ABLIM3: variants seen among roughly 807,000 people sequenced by gnomAD.
ABLIM3 encodes the protein actin binding LIM protein family member 3.
Under a neutral mutation model 109.5 loss-of-function variants are expected in ABLIM3, and 61 were observed. That is an observed-to-expected ratio of 0.56 (90% confidence interval 0.45 to 0.69). The LOEUF (loss-of-function observed/expected upper bound fraction) is 0.69, where lower values mean the gene tolerates loss of function less well. ABLIM3 is among the 30% of genes least tolerant of loss of function. ABLIM3 has a pLI of 0.00. For missense variants in ABLIM3, 796 were observed against 889.5 expected (o/e 0.89, Z 1.34); for synonymous variants, 300 against 324.8 (o/e 0.92, Z 0.82).
intron 23 of ABLIM3, among the ~76,000 whole-genome samples, chr5:149,253,243 T>C (rs1022787932): frequency 1.3e-5 from 2 of 152,130 alleles, no homozygotes; most frequent in African/African-American, 4.8e-5. Context: ...TGTCTCAGGA[T>C]TGTGCATAAA....
chr5:149,236,871 A>G (rs1229780087), intron 10 of ABLIM3, among the ~76,000 whole-genome samples: 3 of 152,256 alleles, frequency 2.0e-5, no homozygotes, highest in Non-Finnish European at 2.9e-5. Flanking sequence ...TGTGAGTTGT[A>G]TGGATGAACT....
chr5:149,219,569 G>T (rs1221651750), intron 8 of ABLIM3: 1 of 152,250 alleles, frequency 6.6e-6, no homozygotes, highest in African/African-American at 2.4e-5. Flanking sequence ...GCCTGGCCTT[G>T]CGTCTCCCCT....
intron 2 of ABLIM3, among the ~76,000 whole-genome samples, chr5:149,180,477 T>A (rs1467571090): frequency 6.6e-6 from 1 of 152,166 alleles, no homozygotes; most frequent in African/African-American, 2.4e-5. Flanking sequence ...ATGTGGCATA[T>A]CCCAGCCTAG....
intron 2 of ABLIM3, among the ~76,000 whole-genome samples, chr5:149,172,911 G>A (rs1755579636): frequency 6.6e-6 from 1 of 152,240 alleles, no homozygotes; most frequent in East Asian, 1.9e-4. Flanking sequence ...ACAAGAGCCT[G>A]GAGAAGGGGA....
chr5:149,150,931 A>G (rs1753373396), intron 2 of ABLIM3, among the ~76,000 whole-genome samples: 1 of 152,368 alleles, frequency 6.6e-6, no homozygotes, highest in African/African-American at 2.4e-5. Context: ...TCTGTCAGAG[A>G]AGAGATATAA....
At chr5:149,240,268 A>G (rs1752675402) in intron 13 of ABLIM3, among the ~76,000 whole-genome samples, 2 of 152,166 alleles carry the variant, frequency 1.3e-5, no homozygotes, top group Non-Finnish European at 2.9e-5. Flanking sequence ...ACCCCAGCCA[A>G]TCCAGTCAGA....
At position 149,207,040 on chromosome 5, in the gene ABLIM3, G is replaced by A. The variant is rs753508698; in HGVS notation, c.481G>A (p.Gly161Ser). 2.4e-5 allele frequency: 39 copies of A among 1,613,920 alleles called. No individual in the cohort carries two copies. Among genetic ancestry groups the A allele is most frequent in the East Asian group, 4.5e-5 (2 of 44,874 alleles). ...CAGCKEEIKH[G>S]QSLLALDKQW... Reference sequence around the variant, plus strand: ...CGGGTGCAAGGAGGAGATCAAGCACGGCCAGTCACTCCTGGCTCTGGACAA... The same window carrying A: ...CGGGTGCAAGGAGGAGATCAAGCACAGCCAGTCACTCCTGGCTCTGGACAA... Residue 161 changes from glycine (G) to serine (S), a missense_variant, in exon 6 of 24, where the codon GGC (glycine) becomes AGC (serine). Coordinates refer to ENST00000309868, the MANE Select transcript of ABLIM3 (RefSeq NM_014945.5).
chr5:149,184,698 G>A (rs1196807096), intron 3 of ABLIM3, among the ~76,000 whole-genome samples: 5 of 152,154 alleles, frequency 3.3e-5, no homozygotes, highest in Admixed American at 6.5e-5. Context: ...CTGAGGAGCC[G>A]CTTCACACTA....
chr5:149,173,984 T>TGCACACA (rs1343966447), intron 2 of ABLIM3, among the ~76,000 whole-genome samples: 2 of 134,566 alleles, frequency 1.5e-5, no homozygotes, highest in Non-Finnish European at 3.0e-5. Flanking sequence ...ATCGCGCCAC[T>TGCACACA]GCACTCCAGC....
intron 3 of ABLIM3, among the ~76,000 whole-genome samples, chr5:149,183,922 T>C (rs535444333): frequency 6.6e-5 from 10 of 152,200 alleles, no homozygotes; most frequent in South Asian, 4.1e-4. Flanking sequence ...GTGCAAACTA[T>C]CTTGGATAAA....
At chr5:149,233,680 T>C (rs1034717770) in intron 10 of ABLIM3, among the ~76,000 whole-genome samples, 1 of 152,112 alleles carries the variant, frequency 6.6e-6, no homozygotes, top group Admixed American at 6.5e-5. Context: ...GAATAGGTAT[T>C]AGGTGGAATA....
chr5:149,220,714 G>A (rs549899233), intron 8 of ABLIM3: 15 of 152,336 alleles, frequency 9.8e-5, no homozygotes, highest in African/African-American at 3.1e-4. Flanking sequence ...TGAGAGCCAG[G>A]ACTCCCGGGT....
intron 5 of ABLIM3, among the ~76,000 whole-genome samples, chr5:149,202,886 C>A (rs1367691131): frequency 1.3e-5 from 2 of 152,128 alleles, no homozygotes; most frequent in Admixed American, 1.3e-4. Flanking sequence ...ATCATCATTG[C>A]AAACATTGAT....
chr5:149,191,349 G>A (rs1757457663), intron 3 of ABLIM3, among the ~76,000 whole-genome samples: 3 of 152,120 alleles, frequency 2.0e-5, no homozygotes, highest in Non-Finnish European at 4.4e-5. Context: ...ATCAATTCTT[G>A]AGTGCAAATT....
At position 149,199,093 on chromosome 5, in the gene ABLIM3, G is replaced by A. The variant is rs6876424; in HGVS notation, c.335+691G>A. The A allele has an allele frequency of 3.1e-3, 1,414 of 456,538 alleles. 25 individuals carry two copies. The highest frequency in any genetic ancestry group is 0.025 in the African/African-American group (1,244 of 50,142). The allele number at this position is 456,538 out of a possible 1,614,324, so 28.3% of individuals were successfully genotyped here. A position where few individuals can be genotyped will look rare whatever the true frequency, so the allele number is the denominator to read the frequency against. On this transcript the variant is annotated intron_variant, in intron 4 of 23. Transcript: ENST00000309868. The stretch of plus-strand genomic sequence containing the variant: ...ATCCCTGCCTCCTGCTTTACCTTCC[G>A]CATCACCATCACTTGTTAATTCAGC...
chr5:149,175,124 A>G (rs1755805779), intron 2 of ABLIM3, among the ~76,000 whole-genome samples: 2 of 152,154 alleles, frequency 1.3e-5, no homozygotes, highest in Non-Finnish European at 2.9e-5. Context: ...ACTGGTAGAC[A>G]CCCTAGGGAT....
Position 149,252,842 on chromosome 5 carries a change from G to T in ABLIM3, c.1938+5G>T, listed in dbSNP as rs764962796. 2 of 1,612,008 alleles carry T rather than the reference G, an allele frequency of 1.2e-6. No individual in the cohort carries two copies. Among genetic ancestry groups the T allele is most frequent in the South Asian group, 2.2e-5 (2 of 91,032 alleles). On this transcript the variant is annotated splice_donor_5th_base_variant and intron_variant, in intron 23 of 23. Transcript: ENST00000309868. The stretch of plus-strand genomic sequence containing the variant: ...GTAGACAGGACCCGTTTAGAGGTAA[G>T]TCTAAAAAACTGAGCAGGAGCTCTT...
At chr5:149,230,213 C>T (rs1193665709) in intron 8 of ABLIM3, among the ~76,000 whole-genome samples, 2 of 152,192 alleles carry the variant, frequency 1.3e-5, no homozygotes, top group Non-Finnish European at 2.9e-5. Context: ...AGCAAAGTCC[C>T]GTGCTGGGGA....
intron 6 of ABLIM3, among the ~76,000 whole-genome samples, chr5:149,210,185 G>A (rs1405455823): frequency 6.6e-6 from 1 of 152,154 alleles, no homozygotes; most frequent in African/African-American, 2.4e-5. Context: ...GCACTGTCCT[G>A]AGCCCTAGGG....
Sources: gnomAD v4.1 joint callset for allele counts (sites outside exome capture counted in the v4.1 genomes callset) on GRCh38, gnomAD v4.1.1 for gene constraint, MANE v1.5 for transcripts, NCBI Gene and HGNC (gene_info 2026-07-23, HGNC 2026-07-21) for gene names.